Variants in CALN1 observed in about 807,000 individuals in gnomAD.
The protein encoded by CALN1 is calneuron 1.
A neutral mutation model predicts 30.6 loss-of-function variants in CALN1; 17 were observed. The observed-to-expected ratio is 0.56, with a 90% confidence interval of 0.38 to 0.83. The LOEUF (loss-of-function observed/expected upper bound fraction) is 0.83. Among genes scored for constraint, CALN1 ranks in the 40% least tolerant of loss-of-function variants. The pLI is 0.00. For missense variants in CALN1, 291 were observed against 354.9 expected (o/e 0.82, Z 1.45); for synonymous variants, 156 against 131.4 (o/e 1.19, Z -1.28).
intron 1 of CALN1, among the ~76,000 whole-genome samples, chr7:72,440,169 C>T (rs1405226693): frequency 6.6e-6 from 1 of 152,174 alleles, no homozygotes; most frequent in Non-Finnish European, 1.5e-5. Flanking sequence ...GGAGAGAGAA[C>T]CAACTGGAAA....
the CALN1 span, among the ~76,000 whole-genome samples, chr7:72,466,015 G>T: frequency 3.3e-5 from 5 of 152,258 alleles, no homozygotes; most frequent in African/African-American, 1.2e-4. Flanking sequence ...AGGATCCAAG[G>T]GGGAGATCTG....
intron 2 of CALN1, among the ~76,000 whole-genome samples, chr7:72,291,902 G>A (rs7782391): frequency 0.2 from 31,104 of 151,752 alleles, 4,360 homozygotes; most frequent in East Asian, 0.43. Flanking sequence ...ATGAGCCACC[G>A]AGCCTGACCA....
At chr7:71,913,502 T>A (rs1467737121) in intron 5 of CALN1, among the ~76,000 whole-genome samples, 1 of 152,236 alleles carries the variant, frequency 6.6e-6, no homozygotes, top group Non-Finnish European at 1.5e-5. Flanking sequence ...GAAAGAAGGA[T>A]GTTGGTGGCA....
intron 5 of CALN1, among the ~76,000 whole-genome samples, chr7:71,956,151 C>T (rs571097992): frequency 6.6e-6 from 1 of 152,058 alleles, no homozygotes; most frequent in African/African-American, 2.4e-5. Flanking sequence ...CCATGTCCAG[C>T]TAATTTTTGT....
chr7:72,446,027 T>C (rs1471671372), intron 1 of CALN1, among the ~76,000 whole-genome samples: 1 of 152,010 alleles, frequency 6.6e-6, no homozygotes, highest in Non-Finnish European at 1.5e-5. Context: ...GAATTGGAAG[T>C]CCTTAGAACC....
At chr7:71,850,390 A>AT (rs55897424) in intron 5 of CALN1, among the ~76,000 whole-genome samples, 49,370 of 151,648 alleles carry the variant, frequency 0.33, 8,754 homozygotes, top group Middle Eastern at 0.51. Context: ...TAATTTTTGT[A>AT]TTTTTTTAGT....
At chr7:71,919,788 C>G (rs1410261432) in intron 5 of CALN1, among the ~76,000 whole-genome samples, 1 of 152,168 alleles carries the variant, frequency 6.6e-6, no homozygotes, top group Non-Finnish European at 1.5e-5. Context: ...TACAATGATG[C>G]TACAAGAATC....
chr7:72,320,108 G>A (rs1343661933), intron 2 of CALN1, among the ~76,000 whole-genome samples: 6 of 152,072 alleles, frequency 3.9e-5, no homozygotes, highest in Non-Finnish European at 8.8e-5. Context: ...ACGACAGATC[G>A]AGATGACACA....
At chr7:72,178,802 T>C (rs1210981846) in intron 3 of CALN1, among the ~76,000 whole-genome samples, 5 of 151,526 alleles carry the variant, frequency 3.3e-5, no homozygotes, top group African/African-American at 1.2e-4. Context: ...GAACTACAAA[T>C]GTCATTTTGT....
At chr7:72,500,664 G>A in the CALN1 span, among the ~76,000 whole-genome samples, 1 of 151,596 alleles carries the variant, frequency 6.6e-6, no homozygotes, top group African/African-American at 2.4e-5. Flanking sequence ...TTTATTTAAT[G>A]AGTAACATTT....
intron 5 of CALN1, among the ~76,000 whole-genome samples, chr7:71,895,973 A>G (rs1236141117): frequency 6.6e-6 from 1 of 152,190 alleles, no homozygotes; most frequent in East Asian, 1.9e-4. Context: ...TGGCCACAGA[A>G]GTATCTTAAT....
chr7:72,239,782 A>C (rs1794717159), intron 3 of CALN1, among the ~76,000 whole-genome samples: 1 of 152,186 alleles, frequency 6.6e-6, no homozygotes. Flanking sequence ...AACAGGGTTC[A>C]GAAGAGAGAA....
chr7:72,337,406 GCACT>G (rs1350309377), intron 2 of CALN1, among the ~76,000 whole-genome samples: 2 of 94,608 alleles, frequency 2.1e-5, no homozygotes, highest in Non-Finnish European at 4.2e-5. Context: ...CGGCGCGCGC[GCACT>G]CACACTCGCG....
At chr7:72,404,006 G>A (rs1289543542) in intron 1 of CALN1, among the ~76,000 whole-genome samples, 1 of 152,078 alleles carries the variant, frequency 6.6e-6, no homozygotes, top group Non-Finnish European at 1.5e-5. Context: ...CAGCTCCAGG[G>A]CAGACCTGCA....
At chr7:72,282,007 CAA>C (rs1241149419) in intron 2 of CALN1, among the ~76,000 whole-genome samples, 1 of 152,090 alleles carries the variant, frequency 6.6e-6, no homozygotes. Flanking sequence ...TCAAAAAGCT[CAA>C]AGTCTAGTGG....
chr7:72,453,122 C>T, the CALN1 span, among the ~76,000 whole-genome samples: 3 of 152,208 alleles, frequency 2.0e-5, no homozygotes, highest in Admixed American at 1.3e-4. Flanking sequence ...TCCCCCAGCC[C>T]TAGTGGTAGT....
At chr7:72,195,057 A>G (rs147370697) in intron 3 of CALN1, among the ~76,000 whole-genome samples, 35 of 152,166 alleles carry the variant, frequency 2.3e-4, no homozygotes, top group Middle Eastern at 3.4e-3. Flanking sequence ...TCAATCCTCA[A>G]CATGAGCAAG....
chr7:71,937,095 A>G (rs1429042724), intron 5 of CALN1, among the ~76,000 whole-genome samples: 1 of 152,144 alleles, frequency 6.6e-6, no homozygotes, highest in African/African-American at 2.4e-5. Flanking sequence ...AGCTCTTTAA[A>G]TATCTATCTT....
intron 6 of CALN1, among the ~76,000 whole-genome samples, chr7:71,788,577 C>T (rs1383681693): frequency 3.4e-5 from 5 of 148,934 alleles, no homozygotes; most frequent in Non-Finnish European, 5.9e-5. Context: ...CTGCAGCCTT[C>T]TTAACCTCCT....
Sources: allele counts gnomAD v4.1 joint callset (sites outside exome capture counted in the v4.1 genomes callset), GRCh38; gene constraint gnomAD v4.1.1; transcripts MANE v1.5; gene names NCBI Gene and HGNC (gene_info 2026-07-23, HGNC 2026-07-21).